The following CREBZF variants were observed in gnomAD, a reference collection of about 807,000 sequenced individuals.
CREBZF encodes the protein HCF-binding transcription factor Zhangfei.
A neutral mutation model predicts 21.1 loss-of-function variants in CREBZF; 8 were observed. The ratio of observed to expected loss-of-function variants is 0.38; its 90% CI spans 0.22 to 0.68. CREBZF has a LOEUF of 0.68. Among genes scored for constraint, CREBZF ranks in the 30% least tolerant of loss-of-function variants. The pLI, the probability that CREBZF is intolerant of heterozygous loss-of-function variation, is 0.51. For missense variants in CREBZF, 518 were observed against 484.3 expected (o/e 1.07, Z -0.65); for synonymous variants, 270 against 223.3 (o/e 1.21, Z -1.86).
Position 85,660,560 on chromosome 11 carries a change from G to T in CREBZF, c.*3251C>A. ...TACCAACAGTCCAGTCAGTTAACAG[G>T]TTGTAGGAAAAGATTCGTTTTTGCA... On this transcript the variant is annotated 3_prime_UTR_variant, in exon 1 of 1. Coordinates refer to ENST00000527447, the MANE Select transcript of CREBZF (RefSeq NM_001039618.4). 1 of 454,862 alleles carries T rather than the reference G, an allele frequency of 2.2e-6. No individual in the cohort carries two copies. Among genetic ancestry groups the T allele is most frequent in the Non-Finnish European group, 4.4e-6 (1 of 226,198 alleles). 28.2% of individuals were successfully genotyped at this position (454,862 alleles called of 1,614,324 possible).
In CREBZF at chr11:85,670,365, G is replaced by A. The variant is rs539309023; in HGVS notation, n.148-6764C>T. 1.1e-4 allele frequency among the ~76,000 whole-genome samples: 14 copies of A among 129,518 alleles called. 1 individual carries two copies. Among genetic ancestry groups the A allele is most frequent in the African/African-American group, 2.9e-4 (10 of 34,050 alleles). 85.0% of individuals were successfully genotyped at this position (129,518 alleles called of 152,430 possible). A position where few individuals can be genotyped will look rare whatever the true frequency, so the allele number is the denominator to read the frequency against. ...TGTCACCCAGGTGGAGTGCAGTGGC[G>A]CAATCTCTGCTCACTGCAAACTCCA... On this transcript the variant is annotated intron_variant and non_coding_transcript_variant, in intron 1 of 3. Transcript: ENST00000531515.
At chr11:85,666,506 A>T (rs1206986574), upstream of CREBZF, among the ~76,000 whole-genome samples, 1 of 152,242 alleles carries the variant, frequency 6.6e-6, no homozygotes, top group Non-Finnish European at 1.5e-5. Flanking sequence ...TCCTTTGTTC[A>T]TGAGTAAAAT....
Position 85,663,788 on chromosome 11 carries a change from G to A in CREBZF, c.*23C>T. 1.3e-6 allele frequency: 2 copies of A among 1,583,224 alleles called. No individual in the cohort carries two copies. Among genetic ancestry groups the A allele is most frequent in the East Asian group, 2.2e-5 (1 of 44,668 alleles). The stretch of plus-strand genomic sequence containing the variant: ...AAGGGAGTTGAAAGGGGTAAACGCG[G>A]ATAAAGAGCAGATTACTTGACCCTA... On this transcript the variant is annotated 3_prime_UTR_variant, in exon 1 of 1. Transcript: ENST00000527447.
In CREBZF at chr11:85,671,827, C is replaced by T. The variant is rs534798012; in HGVS notation, n.148-8226G>A. On this transcript the variant is annotated intron_variant and non_coding_transcript_variant, in intron 1 of 3. Coordinates refer to the CREBZF transcript ENST00000531515. The stretch of plus-strand genomic sequence containing the variant: ...AGCTTTCATGGGCTGGCATTGACTG[C>T]GGCTTCTCCAGGTGCACAGTGCAAA... 6.6e-5 allele frequency among the ~76,000 whole-genome samples: 10 copies of T among 152,314 alleles called. No homozygotes were observed. The South Asian group carries it at 8.3e-4, about 13-fold the overall frequency.
chr11:85,672,390 C>T (rs1003345997), intron 1 of CREBZF, among the ~76,000 whole-genome samples: 6 of 152,364 alleles, frequency 3.9e-5, no homozygotes, highest in African/African-American at 1.2e-4. Context: ...TGTTGCTCTT[C>T]GTTACTTATG....
rs1053510937 is a variant in CREBZF, at chr11:85,661,622, GA to G, written c.*2188del. 11 of 152,536 alleles carry G rather than the reference GA, an allele frequency of 7.2e-5. No homozygotes were observed. The highest frequency in any genetic ancestry group is 2.1e-4 in the South Asian group (1 of 4,834). The allele number at this position is 152,536 out of a possible 1,614,324, so 9.4% of individuals were successfully genotyped here. ...CTCCAACAGAATGTTATAGTTTTTA[GA>G]AAAATGAACTTACTGCTTTCCAGAA... On this transcript the variant is annotated 3_prime_UTR_variant, in exon 1 of 1. Coordinates refer to ENST00000527447, the MANE Select transcript of CREBZF (RefSeq NM_001039618.4).
At position 85,662,773 on chromosome 11, in the gene CREBZF, A is replaced by C. The variant is rs1279046528; in HGVS notation, c.*1038T>G. 9.0e-6 allele frequency: 2 copies of C among 223,384 alleles called. No individual in the cohort carries two copies. Among genetic ancestry groups the C allele is most frequent in the East Asian group, 1.9e-4 (2 of 10,806 alleles). 13.8% of individuals were successfully genotyped at this position (223,384 alleles called of 1,614,324 possible). A position where few individuals can be genotyped will look rare whatever the true frequency, so the allele number is the denominator to read the frequency against. ...CACATTTCACAACCTTCAATATCTA[A>C]TCATACATATATAAATTTAACCTAA... On this transcript the variant is annotated 3_prime_UTR_variant, in exon 1 of 1. Coordinates refer to ENST00000527447, the MANE Select transcript of CREBZF (RefSeq NM_001039618.4).
Position 85,660,257 on chromosome 11 carries a change from T to C in CREBZF, c.*3554A>G, listed in dbSNP as rs944132003. The C allele has an allele frequency of 1.2e-5, 2 of 168,008 alleles. No individual in the cohort carries two copies. The highest frequency in any genetic ancestry group is 2.6e-5 in the Non-Finnish European group (2 of 77,644). 10.4% of individuals were successfully genotyped at this position (168,008 alleles called of 1,614,324 possible). On this transcript the variant is annotated 3_prime_UTR_variant, in exon 1 of 1. Transcript: ENST00000527447. ...TTATGTAAAAACTCTAATTTCTTGA[T>C]GAAATACTGTAATTCTCCAAAGGTT...
chr11:85,667,406 ATGTT>A (rs1424458992), upstream of CREBZF, among the ~76,000 whole-genome samples: 2 of 152,198 alleles, frequency 1.3e-5, no homozygotes, highest in Non-Finnish European at 2.9e-5. Context: ...GGAAGGTTGA[ATGTT>A]TGTCACATGA....
intron 1 of CREBZF, among the ~76,000 whole-genome samples, chr11:85,679,203 C>T (rs534752076): frequency 6.6e-6 from 1 of 152,296 alleles, no homozygotes; most frequent in East Asian, 1.9e-4. Context: ...AGTCTTTACA[C>T]ATTCTACAGA....
intron 1 of CREBZF, among the ~76,000 whole-genome samples, chr11:85,677,275 T>G (rs931255645): frequency 6.6e-6 from 1 of 151,896 alleles, no homozygotes; most frequent in Non-Finnish European, 1.5e-5. Flanking sequence ...TAAGTCATTT[T>G]TTTGTGTAGC....
At chr11:85,678,963 A>G (rs2082959014) in intron 1 of CREBZF, among the ~76,000 whole-genome samples, 1 of 152,184 alleles carries the variant, frequency 6.6e-6, no homozygotes, top group Non-Finnish European at 1.5e-5. Context: ...GAGGGGAAGG[A>G]TTGAGTAAGA....
At position 85,661,616 on chromosome 11, in the gene CREBZF, T is replaced by C. The variant is rs2082681740; in HGVS notation, c.*2195A>G. On this transcript the variant is annotated 3_prime_UTR_variant, in exon 1 of 1. Coordinates refer to ENST00000527447, the MANE Select transcript of CREBZF (RefSeq NM_001039618.4). ...AAAATACTCCAACAGAATGTTATAG[T>C]TTTTAGAAAAATGAACTTACTGCTT... 6.6e-6 allele frequency: 1 copy of C among 152,572 alleles called. No individual in the cohort carries two copies. The allele number at this position is 152,572 out of a possible 1,614,324, so 9.5% of individuals were successfully genotyped here. A position where few individuals can be genotyped will look rare whatever the true frequency, so the allele number is the denominator to read the frequency against.
chr11:85,664,265 T>G lies in CREBZF; in HGVS notation c.611A>C (p.Gln204Pro). Residue 204 changes from glutamine (Q) to proline (P), a missense_variant, in exon 1 of 1, where the codon CAG becomes CCG. Physicochemically the swap from Gln to Pro is moderately conservative, Grantham distance 76. Transcript: ENST00000527447. This position sits in a 1 kb window ranked among gnomAD's most constrained non-coding sequence, Gnocchi z 5.5. Reference protein sequence around the residue: ...GGGGSGNDNNQAATKSPRKAA... With the variant: ...GGGGSGNDNNPAATKSPRKAA... ...CTTCCGGGGACTCTTTGTCGCCGCC[T>G]GGTTGTTGTCGTTACCGCTGCCGCC... 1 of 1,612,766 alleles carries G rather than the reference T, an allele frequency of 6.2e-7. No homozygotes were observed. The highest frequency in any genetic ancestry group is 8.5e-7 in the Non-Finnish European group (1 of 1,179,806).
chr11:85,663,448 C>T lies in CREBZF; in HGVS notation c.*363G>A. 1.4e-6 allele frequency: 1 copy of T among 728,952 alleles called. No homozygotes were observed. The highest frequency in any genetic ancestry group is 2.4e-6 in the Non-Finnish European group (1 of 410,746). The allele number at this position is 728,952 out of a possible 1,614,324, so 45.2% of individuals were successfully genotyped here. A position where few individuals can be genotyped will look rare whatever the true frequency, so the allele number is the denominator to read the frequency against. On this transcript the variant is annotated 3_prime_UTR_variant, in exon 1 of 1. Coordinates refer to ENST00000527447, the MANE Select transcript of CREBZF (RefSeq NM_001039618.4). ...GAAAAAAAAAAAAAAATCACACACA[C>T]ACAAACTGAGATGTTGCCCATTAAA...
Position 85,659,567 on chromosome 11 carries a change from G to A in CREBZF, c.*4244C>T, listed in dbSNP as rs2082616780. The A allele has an allele frequency of 1.3e-5, 2 of 152,032 alleles. No homozygotes were observed. The highest frequency in any genetic ancestry group is 4.8e-5 in the African/African-American group (2 of 41,432). 9.4% of individuals were successfully genotyped at this position (152,032 alleles called of 1,614,324 possible). On this transcript the variant is annotated 3_prime_UTR_variant, in exon 1 of 1. Coordinates refer to ENST00000527447, the MANE Select transcript of CREBZF (RefSeq NM_001039618.4). ...CAATAACCAACTGTATATTTATTAT[G>A]AAGTAAAAGCCAATCTCCTACCCAA... is the stretch of plus-strand genomic sequence containing the variant.
chr11:85,666,929 T>C (rs1389524283), upstream of CREBZF, among the ~76,000 whole-genome samples: 1 of 152,250 alleles, frequency 6.6e-6, no homozygotes, highest in African/African-American at 2.4e-5. Context: ...TTCAAGGTGA[T>C]ATATGTATAC....
chr11:85,671,197 C>T (rs1175202570), intron 1 of CREBZF, among the ~76,000 whole-genome samples: 1 of 152,142 alleles, frequency 6.6e-6, no homozygotes, highest in Admixed American at 6.5e-5. Flanking sequence ...ATGTAGGGGA[C>T]CTGCCCTTTA....
At chr11:85,668,984 AGAGCGAGACTCCGTCT>A (rs2082890913), upstream of CREBZF, among the ~76,000 whole-genome samples, 1 of 118,140 alleles carries the variant, frequency 8.5e-6, no homozygotes, top group Non-Finnish European at 1.7e-5. Flanking sequence ...CCTGGGCGAC[AGAGCGAGACTCCGTCT>A]CAAAAAAAAA....
Sources: gnomAD v4.1 joint callset for allele counts (sites outside exome capture counted in the v4.1 genomes callset) on GRCh38, gnomAD v4.1.1 for gene constraint, Gnocchi (gnomAD v3.1) non-coding constraint, MANE v1.5 for transcripts, NCBI Gene and HGNC (gene_info 2026-07-23, HGNC 2026-07-21) for gene names.